TENM2: variants seen among roughly 807,000 people sequenced by gnomAD.
The protein encoded by TENM2 is teneurin transmembrane protein 2.
In TENM2, 52 loss-of-function variants were observed where a neutral mutation model predicts 245.2. The ratio of observed to expected loss-of-function variants is 0.21; its 90% CI spans 0.17 to 0.27. TENM2 has a LOEUF of 0.27. TENM2 is among the 10% of genes least tolerant of loss of function. The pLI, the probability that TENM2 is intolerant of heterozygous loss-of-function variation, is 1.00. For missense variants in TENM2, 3,046 were observed against 3,666.8 expected (o/e 0.83, Z 4.37); for synonymous variants, 1,363 against 1,438.9 (o/e 0.95, Z 1.19).
the TENM2 span, among the ~76,000 whole-genome samples, chr5:167,086,929 GCACACACACACACA>G: frequency 4.4e-5 from 4 of 90,946 alleles, no homozygotes; most frequent in South Asian, 3.1e-4. Context: ...ACACACACAC[GCACACACACACACA>G]CACACACACA....
At chr5:168,215,378 T>G in intron 21 of TENM2, 106 bp downstream of exon 23, 1 of 860,490 alleles carries the variant, frequency 1.2e-6, no homozygotes, top group African/African-American at 1.7e-5. Flanking sequence ...AAAACACAGC[T>G]TTCCCTGTAA....
At chr5:167,492,731 C>A (rs1320716358) in intron 2 of TENM2, among the ~76,000 whole-genome samples, 2 of 152,020 alleles carry the variant, frequency 1.3e-5, no homozygotes, top group Non-Finnish European at 2.9e-5. Flanking sequence ...GAAGAGCAGG[C>A]TCAATGGTGA....
At chr5:167,833,218 A>G (rs182931115) in intron 2 of TENM2, among the ~76,000 whole-genome samples, 1 of 152,296 alleles carries the variant, frequency 6.6e-6, no homozygotes, top group African/African-American at 2.4e-5. Context: ...ATAATGAAAT[A>G]TTTTATTTTA....
At chr5:168,246,307 C>T (rs1766567931) in intron 26 of TENM2, among the ~76,000 whole-genome samples, 1 of 151,984 alleles carries the variant, frequency 6.6e-6, no homozygotes, top group Non-Finnish European at 1.5e-5. Flanking sequence ...TCACACAGCT[C>T]CCCTGCTGGA....
chr5:167,413,069 T>C (rs796154002), intron 2 of TENM2, among the ~76,000 whole-genome samples: 2 of 152,246 alleles, frequency 1.3e-5, no homozygotes, highest in African/African-American at 4.8e-5. Flanking sequence ...AGAAACATTT[T>C]TGTTATTGTG....
the TENM2 span, among the ~76,000 whole-genome samples, chr5:167,059,616 C>T: frequency 6.6e-6 from 1 of 150,764 alleles, no homozygotes; most frequent in Non-Finnish European, 1.5e-5. Flanking sequence ...GAGTTGATAA[C>T]CACTGAAAGC....
chr5:167,272,677 C>G, the TENM2 span, among the ~76,000 whole-genome samples: 1 of 152,078 alleles, frequency 6.6e-6, no homozygotes, highest in Admixed American at 6.6e-5. Context: ...GTGGTCACAT[C>G]CATCCCCACT....
chr5:167,901,960 A>G (rs1305826900), intron 3 of TENM2, among the ~76,000 whole-genome samples: 3 of 152,262 alleles, frequency 2.0e-5, no homozygotes, highest in Non-Finnish European at 4.4e-5. Context: ...ATGTGATATT[A>G]GCATAGAAAG....
intron 2 of TENM2, among the ~76,000 whole-genome samples, chr5:167,839,673 A>G (rs1769312183): frequency 6.6e-6 from 1 of 152,214 alleles, no homozygotes; most frequent in African/African-American, 2.4e-5. Context: ...TATTGAAAAT[A>G]TACCCCTTAT....
At chr5:167,469,112 T>C (rs1284859622) in intron 2 of TENM2, among the ~76,000 whole-genome samples, 1 of 152,158 alleles carries the variant, frequency 6.6e-6, no homozygotes, top group Non-Finnish European at 1.5e-5. Flanking sequence ...CTACATGGAG[T>C]GCTTAATCTT....
intron 9 of TENM2, among the ~76,000 whole-genome samples, chr5:168,109,833 C>T (rs1794532550): frequency 6.6e-6 from 1 of 152,166 alleles, no homozygotes; most frequent in African/African-American, 2.4e-5. Context: ...GCCAGGCAGG[C>T]ATGGAGGAGC....
the TENM2 span, among the ~76,000 whole-genome samples, chr5:167,251,110 CTT>C: frequency 6.6e-6 from 1 of 151,962 alleles, no homozygotes; most frequent in Non-Finnish European, 1.5e-5. Flanking sequence ...TGATTAGACT[CTT>C]TATATTCTGA....
chr5:167,452,651 A>G (rs1320993135), intron 2 of TENM2, among the ~76,000 whole-genome samples: 1 of 151,924 alleles, frequency 6.6e-6, no homozygotes, highest in African/African-American at 2.4e-5. Flanking sequence ...TTTCTAGTTT[A>G]ACACCTCTTT....
the TENM2 span, among the ~76,000 whole-genome samples, chr5:167,162,769 G>T: frequency 6.6e-6 from 1 of 152,100 alleles, no homozygotes; most frequent in Non-Finnish European, 1.5e-5. Flanking sequence ...AATCCTACCA[G>T]AAAGAAAGCA....
the TENM2 span, among the ~76,000 whole-genome samples, chr5:167,103,704 T>C: frequency 1.3e-5 from 2 of 152,232 alleles, no homozygotes; most frequent in Non-Finnish European, 2.9e-5. Context: ...AATCTAACCA[T>C]GTTTGAATTA....
At chr5:167,331,207 G>A (rs1757437670) in intron 1 of TENM2, among the ~76,000 whole-genome samples, 1 of 128,672 alleles carries the variant, frequency 7.8e-6, no homozygotes, top group Non-Finnish European at 1.6e-5. Flanking sequence ...CTGCACTCCA[G>A]CCAGGGCAAC....
chr5:167,384,594 C>T (rs1191298053), intron 2 of TENM2, among the ~76,000 whole-genome samples: 1 of 152,148 alleles, frequency 6.6e-6, no homozygotes, highest in Non-Finnish European at 1.5e-5. Context: ...GAGTTAAAGT[C>T]TGATCAAGCA....
chr5:167,562,050 C>CGCTCTTGGAAGGGATG (rs1370397397), intron 2 of TENM2, among the ~76,000 whole-genome samples: 13 of 151,980 alleles, frequency 8.6e-5, no homozygotes, highest in Admixed American at 5.2e-4. Context: ...TGGAGGGATT[C>CGCTCTTGGAAGGGATG]GCTCTTGGAA....
At chr5:167,000,228 A>G in the TENM2 span, among the ~76,000 whole-genome samples, 2 of 152,186 alleles carry the variant, frequency 1.3e-5, no homozygotes, top group African/African-American at 4.8e-5. Flanking sequence ...CTATCTAGAG[A>G]AAAATTGGGA....
Sources: gnomAD v4.1 joint callset for allele counts (sites outside exome capture counted in the v4.1 genomes callset) on GRCh38, gnomAD v4.1.1 for gene constraint, MANE v1.5 for transcripts, NCBI Gene and HGNC (gene_info 2026-07-23, HGNC 2026-07-21) for gene names.